The following OAS2 variants were observed in gnomAD, a reference collection of about 807,000 sequenced individuals.
OAS2 encodes 2'-5'-oligoadenylate synthetase 2.
In OAS2, 67 loss-of-function variants were observed where a neutral mutation model predicts 71.3. The observed-to-expected ratio is 0.94, with a 90% confidence interval of 0.77 to 1.15. OAS2 has a LOEUF of 1.15. OAS2 is among the 50% of genes most tolerant of loss of function. OAS2 has a pLI of 0.00. For missense variants in OAS2, 789 were observed against 822.5 expected, an observed-to-expected ratio of 0.96 and a Z score of 0.50; for synonymous variants, 327 against 321.8, an observed-to-expected ratio of 1.02 and a Z score of -0.17.
In OAS2 at chr12:112,987,285, T is replaced by C. The variant is rs554968969; in HGVS notation, c.425T>C (p.Val142Ala). The change falls in exon 2 of 10, where the codon GTG (valine) becomes GCG (alanine). Residue 142 changes from valine to alanine, a missense_variant. Coordinates refer to ENST00000392583, the MANE Select transcript of OAS2 (RefSeq NM_002535.3). ...AAAAATCAGAGAATCTCTTTCGAGG[T>C]GCTGGCCGCCTTCAACGCTCTGAGT... ...FTKNQRISFEVLAAFNALSLN... is the reference protein window; with the variant it reads ...FTKNQRISFEALAAFNALSLN... 112 of 1,614,170 alleles carry C rather than the reference T, an allele frequency of 6.9e-5. 2 individuals carry two copies. The South Asian group carries it at 1.2e-3, about 17-fold the overall frequency.
chr12:112,995,917 T>G (rs2044229119), intron 3 of OAS2, among the ~76,000 whole-genome samples: 1 of 152,138 alleles, frequency 6.6e-6, no homozygotes, highest in Non-Finnish European at 1.5e-5. Flanking sequence ...TCCTCCCATC[T>G]CAGCCTCCCA....
intron 6 of OAS2, among the ~76,000 whole-genome samples, chr12:113,003,766 C>T (rs1426104955): frequency 6.6e-6 from 1 of 152,084 alleles, no homozygotes; most frequent in African/African-American, 2.4e-5. Context: ...TAAACGTGTC[C>T]CCGTGGTCAC....
rs1180755968 is a variant in OAS2 at position 113,000,559 on chromosome 12, C to CCATG, written c.1008+2152_1008+2155dup. ...ACACATGCACACACATGTACTCACA[C>CCATG]CATGCACACACGCACACACGCACAC... On this transcript the variant is annotated intron_variant, in intron 5 of 9. Coordinates refer to ENST00000392583, the MANE Select transcript of OAS2 (RefSeq NM_002535.3). Among the ~76,000 whole-genome samples, 4 of 151,070 alleles carry CCATG rather than the reference C, an allele frequency of 2.6e-5. No individual in the cohort carries two copies. In the East Asian group the frequency reaches 5.8e-4, roughly 22 times the overall value.
At position 112,993,538 on chromosome 12, in the gene OAS2, G is replaced by A. The variant is rs1041135133; in HGVS notation, c.449-1758G>A. The stretch of plus-strand genomic sequence containing the variant: ...CTAGGGAGTCAGTAAATATCCACTG[G>A]GGTGTATGAAAGGAACAAGCTAGCT... On this transcript the variant is annotated intron_variant, in intron 2 of 9. Coordinates refer to ENST00000392583, the MANE Select transcript of OAS2 (RefSeq NM_002535.3). 3.3e-5 allele frequency among the ~76,000 whole-genome samples: 5 copies of A among 152,144 alleles called. No individual in the cohort carries two copies. The South Asian group carries it at 6.2e-4, about 19-fold the overall frequency.
chr12:113,009,419 C>G lies in OAS2; in HGVS notation c.*164C>G. The G allele has an allele frequency of 6.9e-7, 1 of 1,452,368 alleles. No homozygotes were observed. 90.0% of individuals were successfully genotyped at this position (1,452,368 alleles called of 1,614,324 possible). A position where few individuals can be genotyped will look rare whatever the true frequency, so the allele number is the denominator to read the frequency against. On this transcript the variant is annotated 3_prime_UTR_variant, in exon 10 of 10. Coordinates refer to ENST00000392583, the MANE Select transcript of OAS2 (RefSeq NM_002535.3). Reference sequence around the variant, plus strand: ...GCCCCCACTACAAGTGATCCTCAGGCAGGTAACCCCAGATTCATGCACTGT... The same window carrying G: ...GCCCCCACTACAAGTGATCCTCAGGGAGGTAACCCCAGATTCATGCACTGT...
intron 2 of OAS2, among the ~76,000 whole-genome samples, chr12:112,990,549 G>A (rs749726474): frequency 3.3e-5 from 5 of 152,172 alleles, no homozygotes; most frequent in East Asian, 1.9e-4. Flanking sequence ...GATGTCAGAC[G>A]ATTAGTTAAA....
chr12:113,007,694 C>T lies in OAS2; in HGVS notation c.1657-11C>T, dbSNP rs761236266. The T allele has an allele frequency of 5.0e-6, 8 of 1,611,456 alleles. No individual in the cohort carries two copies. In the South Asian group the frequency reaches 7.7e-5, roughly 16 times the overall value. ...CTAACCAGTTCGTCTGATGTTCCCA[C>T]TCTTACCTAGTGTGAAAGGAAACTG... On this transcript the variant is annotated splice_polypyrimidine_tract_variant and intron_variant, in intron 8 of 9. Coordinates refer to ENST00000392583, the MANE Select transcript of OAS2 (RefSeq NM_002535.3).
At chr12:112,993,776 G>A (rs1212389626) in intron 2 of OAS2, among the ~76,000 whole-genome samples, 1 of 151,918 alleles carries the variant, frequency 6.6e-6, no homozygotes, top group Non-Finnish European at 1.5e-5. Flanking sequence ...GGCTGAGGCA[G>A]GAGGATCACT....
In OAS2 at chr12:113,000,038, C is replaced by T. The variant is rs536707746; in HGVS notation, c.1008+1628C>T. Among the ~76,000 whole-genome samples the T allele has an allele frequency of 2.0e-5, 3 of 152,312 alleles. No individual in the cohort carries two copies. The East Asian group carries it at 5.8e-4, about 29-fold the overall frequency. On this transcript the variant is annotated intron_variant, in intron 5 of 9. Coordinates refer to ENST00000392583, the MANE Select transcript of OAS2 (RefSeq NM_002535.3). ...GGGATTACAAGCGTGAGCCACCTCA[C>T]CTGGCCCATTGTTATAGTTGTTGTT...
intron 2 of OAS2, 169 bp downstream of exon 2, chr12:112,987,477 T>TC: frequency 6.9e-7 from 1 of 1,445,556 alleles, no homozygotes; most frequent in Non-Finnish European, 9.1e-7. Flanking sequence ...CGCTCTCTTC[T>TC]CTGGAACTAA....
intron 9 of OAS2, 34 bp downstream of exon 9, chr12:113,007,977 C>T: frequency 6.8e-7 from 1 of 1,478,990 alleles, no homozygotes; most frequent in Non-Finnish European, 9.5e-7. Flanking sequence ...TTTTCTTAAC[C>T]TGATTCCCTT....
chr12:112,997,892 C>T, intron 4 of OAS2, 137 bp downstream of exon 4: 2 of 702,152 alleles, frequency 2.8e-6, no homozygotes, highest in South Asian at 4.0e-5. Context: ...GGTGGGGAGG[C>T]AGATGGGTCT....
chr12:112,988,439 T>C lies in OAS2; in HGVS notation c.448+1131T>C, dbSNP rs562822635. 6 of 314,602 alleles carry C rather than the reference T, an allele frequency of 1.9e-5. No homozygotes were observed. The East Asian group carries it at 5.1e-4, about 27-fold the overall frequency. 19.5% of individuals were successfully genotyped at this position (314,602 alleles called of 1,614,324 possible). On this transcript the variant is annotated intron_variant, in intron 2 of 9. Transcript: ENST00000392583. ...CAGCCAGACTGGTTATAGCTCAGCA[T>C]TGGCCTTATTTGAACGAGATTTGAA... is the stretch of plus-strand genomic sequence containing the variant.
chr12:113,010,110 G>T lies in OAS2; in HGVS notation c.*855G>T. 1 of 1,139,926 alleles carries T rather than the reference G, an allele frequency of 8.8e-7. No homozygotes were observed. The highest frequency in any genetic ancestry group is 3.1e-5 in the South Asian group (1 of 32,064). 70.6% of individuals were successfully genotyped at this position (1,139,926 alleles called of 1,614,324 possible). A position where few individuals can be genotyped will look rare whatever the true frequency, so the allele number is the denominator to read the frequency against. ...TAAAAGTGTCTTGAGACTTTATCATGTGTCTTCTGCCCTAGGTGAGAACCC... is the reference window on the plus strand; with the variant it reads ...TAAAAGTGTCTTGAGACTTTATCATTTGTCTTCTGCCCTAGGTGAGAACCC... On this transcript the variant is annotated 3_prime_UTR_variant, in exon 10 of 10. Transcript: ENST00000392583.
rs45616942 is a variant in OAS2, at chr12:113,010,155, C to T, written c.*900C>T. ...GAACCCTTGCACTAGAGGAACCCTACACCCCAACCCTGGGGGGAATGTAGG... is the reference window on the plus strand; with the variant it reads ...GAACCCTTGCACTAGAGGAACCCTATACCCCAACCCTGGGGGGAATGTAGG... On this transcript the variant is annotated 3_prime_UTR_variant, in exon 10 of 10. Transcript: ENST00000392583. The T allele has an allele frequency of 8.8e-3, 11,248 of 1,284,158 alleles. 86 individuals carry two copies. The highest frequency in any genetic ancestry group is 0.013 in the South Asian group (629 of 49,204). 79.5% of individuals were successfully genotyped at this position (1,284,158 alleles called of 1,614,324 possible). A position where few individuals can be genotyped will look rare whatever the true frequency, so the allele number is the denominator to read the frequency against.
intron 1 of OAS2, 103 bp from the exon 2 acceptor site, chr12:112,986,935 A>G: frequency 6.9e-7 from 1 of 1,454,910 alleles, no homozygotes; most frequent in East Asian, 2.3e-5. Flanking sequence ...CAATGTTAAG[A>G]CCATTTTTGG....
intron 5 of OAS2, among the ~76,000 whole-genome samples, chr12:112,999,506 GCTAA>G (rs1378031508): frequency 2.6e-5 from 4 of 152,212 alleles, no homozygotes; most frequent in African/African-American, 2.4e-5. Flanking sequence ...AAGTTTGAAG[GCTAA>G]CTGAGTACCA....
chr12:113,001,568 C>A (rs2044291474), intron 5 of OAS2, among the ~76,000 whole-genome samples: 1 of 149,934 alleles, frequency 6.7e-6, no homozygotes, highest in Non-Finnish European at 1.5e-5. Flanking sequence ...TTTCAAGCTC[C>A]TTGAGGTTGT....
chr12:113,010,101 C>A lies in OAS2; in HGVS notation c.*846C>A, dbSNP rs1592821788. On this transcript the variant is annotated 3_prime_UTR_variant, in exon 10 of 10. Transcript: ENST00000392583. ...TGTGACAATTAAAAGTGTCTTGAGA[C>A]TTTATCATGTGTCTTCTGCCCTAGG... The A allele has an allele frequency of 3.6e-6, 4 of 1,117,990 alleles. No homozygotes were observed. Among genetic ancestry groups the A allele is most frequent in the South Asian group, 6.5e-5 (2 of 30,986 alleles). 69.3% of individuals were successfully genotyped at this position (1,117,990 alleles called of 1,614,324 possible). A position where few individuals can be genotyped will look rare whatever the true frequency, so the allele number is the denominator to read the frequency against.
Sources: gnomAD v4.1 joint callset for allele counts (sites outside exome capture counted in the v4.1 genomes callset) on GRCh38, gnomAD v4.1.1 for gene constraint, MANE v1.5 for transcripts, NCBI Gene and HGNC (gene_info 2026-07-23, HGNC 2026-07-21) for gene names.